Variants in ADD2 observed in about 807,000 individuals in gnomAD.
ADD2 encodes the protein adducin 2, also known as beta-adducin.
In ADD2, 23 loss-of-function variants were observed where a neutral mutation model predicts 83.0. The observed-to-expected ratio is 0.28, with a 90% CI of 0.20 to 0.39. The LOEUF (loss-of-function observed/expected upper bound fraction) is 0.39, where lower values mean the gene tolerates loss of function less well. Ranked by LOEUF, ADD2 falls within the 10% of genes least tolerant of loss-of-function variation. The probability of loss-of-function intolerance (pLI) is 1.00; values close to 1 mark genes in which losing one functional copy is unlikely to be tolerated. For missense variants in ADD2, 758 were observed against 944.9 expected, an observed-to-expected ratio of 0.80 and a Z score of 2.59; for synonymous variants, 375 against 375.4, an observed-to-expected ratio of 1.00 and a Z score of 0.01.
At chr2:70,734,305 A>G (rs1244974955) in intron 1 of ADD2, among the ~76,000 whole-genome samples, 2 of 152,070 alleles carry the variant, frequency 1.3e-5, no homozygotes, top group African/African-American at 4.8e-5. Context: ...AGGATTGGCC[A>G]CTCAGTGCTG....
chr2:70,668,000 G>A (rs1232241679), intron 15 of ADD2, among the ~76,000 whole-genome samples: 4 of 151,996 alleles, frequency 2.6e-5, no homozygotes, highest in Non-Finnish European at 5.9e-5. Flanking sequence ...ATCTGTTTAG[G>A]GCCCTCTCAC....
chr2:70,710,859 T>C (rs1672145219), intron 2 of ADD2, among the ~76,000 whole-genome samples: 1 of 152,234 alleles, frequency 6.6e-6, no homozygotes, highest in South Asian at 2.1e-4. Flanking sequence ...GCTTGGTATA[T>C]AGCAAGTGCT....
intron 1 of ADD2, among the ~76,000 whole-genome samples, chr2:70,734,176 T>A (rs531171832): frequency 1.3e-5 from 2 of 152,236 alleles, no homozygotes; most frequent in African/African-American, 4.8e-5. Flanking sequence ...ACAGGCCAGA[T>A]GAACAGACAC....
In ADD2 at chr2:70,706,994, T is replaced by C. The variant is rs1553374659; in HGVS notation, c.-34-552A>G. ...ACATCCTGCACACGTATCACAGAAC[T>C]AAAAAGAAAAAAAAATTATGGTGGG... On this transcript the variant is annotated intron_variant, in intron 2 of 15. Coordinates refer to ENST00000264436, the MANE Select transcript of ADD2 (RefSeq NM_001617.4). The surrounding 1 kb of genome is among the most constrained non-coding windows in gnomAD (Gnocchi z 5.0). Among the ~76,000 whole-genome samples the C allele has an allele frequency of 6.6e-6, 1 of 151,560 alleles. No homozygotes were observed. The highest frequency in any genetic ancestry group is 2.4e-5 in the African/African-American group (1 of 41,258).
intron 15 of ADD2, among the ~76,000 whole-genome samples, chr2:70,663,950 C>G (rs782034436): frequency 6.6e-6 from 1 of 152,142 alleles, no homozygotes; most frequent in African/African-American, 2.4e-5. Context: ...CACCCCCTTG[C>G]AGGCTGGCAG....
intron 6 of ADD2, among the ~76,000 whole-genome samples, chr2:70,695,437 T>G (rs1286401240): frequency 1.3e-5 from 2 of 151,686 alleles, no homozygotes; most frequent in Non-Finnish European, 2.9e-5. Flanking sequence ...ACCATTGTGG[T>G]CTAATCCCAG....
chr2:70,749,965 G>A (rs1553382660), intron 1 of ADD2, among the ~76,000 whole-genome samples: 2 of 152,196 alleles, frequency 1.3e-5, no homozygotes, highest in Non-Finnish European at 2.9e-5. Context: ...CCAATATAGA[G>A]TGTCACACAG....
intron 1 of ADD2, among the ~76,000 whole-genome samples, chr2:70,713,997 C>A (rs912369947): frequency 6.6e-6 from 1 of 151,836 alleles, no homozygotes; most frequent in East Asian, 2.0e-4. Flanking sequence ...GGCCATTTCA[C>A]CCAGAGTTCA....
chr2:70,666,185 G>C (rs528068005), intron 15 of ADD2, among the ~76,000 whole-genome samples: 1 of 152,296 alleles, frequency 6.6e-6, no homozygotes, highest in East Asian at 1.9e-4. Flanking sequence ...TGTGTCTAAT[G>C]ACCTATGTCA....
chr2:70,764,410 T>A (rs1553385591), intron 1 of ADD2, among the ~76,000 whole-genome samples: 1 of 151,866 alleles, frequency 6.6e-6, no homozygotes, highest in South Asian at 2.1e-4. Flanking sequence ...CAGGAGCTGT[T>A]CTTTTGGAGT....
At chr2:70,761,759 C>A (rs1273355408) in intron 1 of ADD2, among the ~76,000 whole-genome samples, 6 of 150,484 alleles carry the variant, frequency 4.0e-5, no homozygotes, top group African/African-American at 1.5e-4. Flanking sequence ...GCAAGCTCTG[C>A]CTCCCGGGTT....
intron 1 of ADD2, among the ~76,000 whole-genome samples, chr2:70,757,754 C>T (rs1030611154): frequency 1.3e-5 from 2 of 152,136 alleles, no homozygotes; most frequent in Middle Eastern, 3.2e-3. Flanking sequence ...CTTATGGAGA[C>T]TCCATGCCGA....
intron 2 of ADD2, chr2:70,711,180 G>T (rs752173523): frequency 1.3e-5 from 2 of 152,174 alleles, no homozygotes; most frequent in South Asian, 4.2e-4. Context: ...AGCCAGGTAT[G>T]ATATAAGAAA....
At chr2:70,711,481 A>C (rs190169074) in intron 2 of ADD2, among the ~76,000 whole-genome samples, 3 of 152,324 alleles carry the variant, frequency 2.0e-5, no homozygotes, top group Admixed American at 1.3e-4. Context: ...GATTGAGTCC[A>C]GACAAGTGGC....
chr2:70,686,239 A>G (rs1436133018), intron 9 of ADD2, among the ~76,000 whole-genome samples: 8 of 152,000 alleles, frequency 5.3e-5, no homozygotes, highest in Non-Finnish European at 7.4e-5. Flanking sequence ...TTTCTTCCAC[A>G]TCTTCCAGCT....
intron 2 of ADD2, among the ~76,000 whole-genome samples, chr2:70,710,507 G>T (rs531597180): frequency 2.9e-4 from 44 of 152,362 alleles, no homozygotes; most frequent in African/African-American, 9.1e-4. Flanking sequence ...TCCGATGGGG[G>T]TGGTGTAGGA....
Position 70,743,991 on chromosome 2 carries a change from G to A in ADD2, c.-154+23895C>T, listed in dbSNP as rs139248768. Among the ~76,000 whole-genome samples, 582 of 152,296 alleles carry A rather than the reference G, an allele frequency of 3.8e-3. 6 individuals carry two copies. Among genetic ancestry groups the A allele is most frequent in the African/African-American group, 0.013 (539 of 41,564 alleles). On this transcript the variant is annotated intron_variant, in intron 1 of 15. Transcript: ENST00000264436. ...CTTCTATGTGTCAGACACTGTTCCTGGTGCCAGGGGAAATACAGGAGTAAA... is the reference window on the plus strand; with the variant it reads ...CTTCTATGTGTCAGACACTGTTCCTAGTGCCAGGGGAAATACAGGAGTAAA...
intron 1 of ADD2, among the ~76,000 whole-genome samples, chr2:70,758,964 A>T (rs1273578766): frequency 6.6e-6 from 1 of 152,194 alleles, no homozygotes; most frequent in Non-Finnish European, 1.5e-5. Context: ...GGCAACATCG[A>T]CATGGAAACC....
Position 70,738,867 on chromosome 2 carries a change from C to T in ADD2, c.-153-25683G>A, listed in dbSNP as rs183247399. ...AGATTGAAACTGGACCCCTTCCTTA[C>T]ACCATATACAAAAATCAACTCAAGA... On this transcript the variant is annotated intron_variant, in intron 1 of 15. Coordinates refer to ENST00000264436, the MANE Select transcript of ADD2 (RefSeq NM_001617.4). Among the ~76,000 whole-genome samples, 64 of 152,078 alleles carry T rather than the reference C, an allele frequency of 4.2e-4. 1 individual carries two copies. In the East Asian group the frequency reaches 0.01, roughly 25 times the overall value.
Sources: gnomAD v4.1 joint callset for allele counts (sites outside exome capture counted in the v4.1 genomes callset) on GRCh38, gnomAD v4.1.1 for gene constraint, Gnocchi (gnomAD v3.1) non-coding constraint, MANE v1.5 for transcripts, NCBI Gene and HGNC (gene_info 2026-07-23, HGNC 2026-07-21) for gene names.